Variants in GIT2 observed in about 807,000 individuals in gnomAD.
The protein encoded by GIT2 is GIT ArfGAP 2.
In GIT2, 32 loss-of-function variants were observed where a neutral mutation model predicts 100.3. The observed-to-expected ratio is 0.32, with a 90% confidence interval of 0.24 to 0.43. GIT2 has a LOEUF of 0.43. Ranked by LOEUF, GIT2 falls within the 20% of genes least tolerant of loss-of-function variation. The pLI is 1.00. For missense variants in GIT2, 737 were observed against 975.1 expected, an observed-to-expected ratio of 0.76 and a Z score of 3.25; for synonymous variants, 353 against 364.1, an observed-to-expected ratio of 0.97 and a Z score of 0.35.
rs1300131581 is a variant in GIT2, at chr12:109,948,171, T to C, written c.1393-667A>G. The C allele has an allele frequency of 4.1e-6, 4 of 977,150 alleles. No individual in the cohort carries two copies. The highest frequency in any genetic ancestry group is 4.9e-6 in the Non-Finnish European group (4 of 822,532). 60.5% of individuals were successfully genotyped at this position (977,150 alleles called of 1,614,324 possible). Reference sequence around the variant, plus strand: ...AAACCGGATCATGGTAAGTTTGCTATATTAACATATCACGAAGAAAACTGG... The same window carrying C: ...AAACCGGATCATGGTAAGTTTGCTACATTAACATATCACGAAGAAAACTGG... On this transcript the variant is annotated intron_variant, in intron 14 of 19. Transcript: ENST00000355312. The surrounding 1 kb of genome is among the most constrained non-coding windows in gnomAD (Gnocchi z 4.3).
intron 2 of GIT2, among the ~76,000 whole-genome samples, chr12:109,990,925 A>C (rs1422520682): frequency 1.3e-5 from 2 of 152,390 alleles, no homozygotes; most frequent in East Asian, 3.9e-4. Flanking sequence ...AACATGTTCT[A>C]AAAATATTAG....
chr12:109,978,995 A>G (rs1410014358), intron 7 of GIT2, among the ~76,000 whole-genome samples: 2 of 151,940 alleles, frequency 1.3e-5, no homozygotes, highest in Admixed American at 1.3e-4. Flanking sequence ...TTTTTGTCTT[A>G]GCAGGCAACT....
chr12:109,966,508 C>CAAAAAAAAAA (rs749586402), intron 8 of GIT2, among the ~76,000 whole-genome samples: 27 of 69,902 alleles, frequency 3.9e-4, no homozygotes, highest in Middle Eastern at 8.1e-3. Context: ...GACTCTGTCT[C>CAAAAAAAAAA]AAAAAAAAAA....
At chr12:109,979,772 G>A (rs1402727922) in intron 7 of GIT2, among the ~76,000 whole-genome samples, 1 of 152,096 alleles carries the variant, frequency 6.6e-6, no homozygotes, top group African/African-American at 2.4e-5. Context: ...GTTCTATTTT[G>A]CAGGAGACAC....
At chr12:109,965,065 A>G (rs1407560548) in intron 9 of GIT2, among the ~76,000 whole-genome samples, 6 of 152,184 alleles carry the variant, frequency 3.9e-5, no homozygotes. Context: ...GCACTGATGA[A>G]TGGCATGGGA....
Position 109,983,697 on chromosome 12 carries a change from G to A in GIT2, c.406-3C>T, listed in dbSNP as rs1033704807. 15 of 1,599,348 alleles carry A rather than the reference G, an allele frequency of 9.4e-6. No individual in the cohort carries two copies. Among genetic ancestry groups the A allele is most frequent in the East Asian group, 4.5e-5 (2 of 44,826 alleles). ...GTTCTCACGCTCGAATGGAGTTGCT[G>A]AAAAACGCAGAAACAAAAAAGGAAT... On this transcript the variant is annotated splice_polypyrimidine_tract_variant and splice_region_variant and intron_variant, in intron 4 of 19. Transcript: ENST00000355312.
chr12:109,995,010 A>C (rs747454645), intron 1 of GIT2, among the ~76,000 whole-genome samples: 28 of 152,328 alleles, frequency 1.8e-4, no homozygotes, highest in Admixed American at 3.3e-4. Context: ...TCTATTTACA[A>C]TTGGTCTCCA....
intron 7 of GIT2, among the ~76,000 whole-genome samples, chr12:109,969,674 A>C (rs1482655974): frequency 1.3e-5 from 2 of 151,688 alleles, no homozygotes; most frequent in Non-Finnish European, 2.9e-5. Context: ...GGCCTCCCAA[A>C]GTACTAGGAT....
chr12:109,954,828 G>A (rs895987698), intron 12 of GIT2, among the ~76,000 whole-genome samples: 1 of 151,734 alleles, frequency 6.6e-6, no homozygotes, highest in Non-Finnish European at 1.5e-5. Flanking sequence ...GAACCTAGAA[G>A]GTGGAGGTTG....
chr12:109,998,658 C>G (rs1889761045), upstream of GIT2: 1 of 152,180 alleles, frequency 6.6e-6, no homozygotes, highest in African/African-American at 2.4e-5. Flanking sequence ...ATCCAAAAAG[C>G]TAGCTTAAAA....
chr12:109,995,469 AC>A (rs1889172808), intron 1 of GIT2, among the ~76,000 whole-genome samples: 1 of 152,158 alleles, frequency 6.6e-6, no homozygotes, highest in Non-Finnish European at 1.5e-5. Flanking sequence ...AATCTTCCTC[AC>A]CACTAAGCGT....
chr12:109,994,903 A>C (rs558694642), intron 1 of GIT2, among the ~76,000 whole-genome samples: 46 of 152,318 alleles, frequency 3.0e-4, no homozygotes, highest in African/African-American at 1.1e-3. Context: ...CTTCTTTTTA[A>C]ACTCCTCCAT....
chr12:109,936,647 C>G (rs1178722966), intron 18 of GIT2, among the ~76,000 whole-genome samples: 1 of 152,134 alleles, frequency 6.6e-6, no homozygotes, highest in East Asian at 1.9e-4. Context: ...GCGGGTAGAT[C>G]ACTTGAGATC....
intron 4 of GIT2, among the ~76,000 whole-genome samples, chr12:109,987,898 TAAAG>T (rs1887699991): frequency 6.6e-6 from 1 of 152,180 alleles, no homozygotes; most frequent in African/African-American, 2.4e-5. Flanking sequence ...AAGGCCCACA[TAAAG>T]AAAACCACCT....
Position 109,961,627 on chromosome 12 carries a change from C to G in GIT2, c.875G>C (p.Arg292Pro). ...CGTCAAGTCACCTGCATCCGTCTCTCGCCTGTCAACTTCATCGTACACATC... is the reference window on the plus strand; with the variant it reads ...CGTCAAGTCACCTGCATCCGTCTCTGGCCTGTCAACTTCATCGTACACATC... ...AMDVYDEVDR[R>P]ETDAVWLATQ... Residue 292 changes from arginine to proline, a missense_variant, in exon 10 of 20, where the codon CGA (arginine) becomes CCA (proline). Coordinates refer to ENST00000355312, the MANE Select transcript of GIT2 (RefSeq NM_057169.5). The G allele has an allele frequency of 6.2e-7, 1 of 1,603,486 alleles. No homozygotes were observed.
chr12:109,990,131 C>T lies in GIT2; in HGVS notation c.187-329G>A, dbSNP rs563245989. Among the ~76,000 whole-genome samples, 56 of 152,330 alleles carry T rather than the reference C, an allele frequency of 3.7e-4. 1 individual carries two copies. In the South Asian group the frequency reaches 7.0e-3, roughly 19 times the overall value. On this transcript the variant is annotated intron_variant, in intron 2 of 19. Coordinates refer to ENST00000355312, the MANE Select transcript of GIT2 (RefSeq NM_057169.5). ...TTCAACATTCTTAATGACCCATGTACTGTCTATATTATTCACTTAATATTT... is the reference window on the plus strand; with the variant it reads ...TTCAACATTCTTAATGACCCATGTATTGTCTATATTATTCACTTAATATTT...
In GIT2 at chr12:109,983,616, A is replaced by G. The variant is rs762956563; in HGVS notation, c.484T>C (p.Phe162Leu). ...LLSLGAQANF[F>L]HPEKGNTPLH... is the part of the protein sequence containing the mutation. ...AATTCATGTTTTCTTACAGGATGAA[A>G]GAAGTTGGCTTGTGCTCCTAAAGAT... Residue 162 changes from phenylalanine (F) to leucine (L), a missense_variant, in exon 5 of 20, where the codon TTT becomes CTT. By Grantham distance (22) the Phe-to-Leu change is conservative. Around this residue, in one of 3 missense-constraint regions of GIT2, gnomAD observed 266 missense variants for 376.2 expected, o/e 0.71. Coordinates refer to ENST00000355312, the MANE Select transcript of GIT2 (RefSeq NM_057169.5). The G allele has an allele frequency of 2.5e-6, 4 of 1,610,410 alleles. No individual in the cohort carries two copies. The South Asian group carries it at 3.3e-5, about 13-fold the overall frequency.
chr12:109,960,422 G>A (rs1207909489), intron 11 of GIT2, among the ~76,000 whole-genome samples: 1 of 151,922 alleles, frequency 6.6e-6, no homozygotes, highest in Non-Finnish European at 1.5e-5. Context: ...TCAGGACTTT[G>A]TACAAAAATT....
rs1488029816 is a variant in GIT2, at chr12:109,931,382, G to A, written c.*1596C>T. The A allele has an allele frequency of 6.6e-6, 1 of 152,212 alleles. No individual in the cohort carries two copies. The highest frequency in any genetic ancestry group is 1.5e-5 in the Non-Finnish European group (1 of 68,064). The allele number at this position is 152,212 out of a possible 1,614,324, so 9.4% of individuals were successfully genotyped here. On this transcript the variant is annotated 3_prime_UTR_variant, in exon 20 of 20. Coordinates refer to ENST00000355312, the MANE Select transcript of GIT2 (RefSeq NM_057169.5). ...GGCCCTCACACTGCACAGCTTACAG[G>A]GCCCTGGGGTGGGGGCTGTGAGCTG...
Sources: gnomAD v4.1 joint callset for allele counts (sites outside exome capture counted in the v4.1 genomes callset) on GRCh38, gnomAD v4.1.1 for gene constraint, gnomAD v4.1.1 regional missense constraint, Gnocchi (gnomAD v3.1) non-coding constraint, MANE v1.5 for transcripts, NCBI Gene and HGNC (gene_info 2026-07-23, HGNC 2026-07-21) for gene names.